Variants in AFTPH observed in about 807,000 individuals in gnomAD.
AFTPH encodes aftiphilin, also known as aftiphilin protein.
Under a neutral mutation model 72.5 loss-of-function variants are expected in AFTPH, and 7 were observed. That is an observed-to-expected ratio of 0.10 (90% CI 0.05 to 0.18). The LOEUF is 0.18. Among genes scored for constraint, AFTPH ranks in the 10% least tolerant of loss-of-function variants. AFTPH has a pLI of 1.00. For missense variants in AFTPH, 979 were observed against 1,060.5 expected (o/e 0.92, Z 1.07); for synonymous variants, 337 against 370.1 (o/e 0.91, Z 1.03).
chr2:64,575,380 C>G (rs575066382), intron 6 of AFTPH, among the ~76,000 whole-genome samples: 1 of 152,198 alleles, frequency 6.6e-6, no homozygotes, highest in East Asian at 1.9e-4. Flanking sequence ...AATCTCAGCA[C>G]TTTGGGATGC....
intron 2 of AFTPH, among the ~76,000 whole-genome samples, chr2:64,564,487 G>A (rs954887713): frequency 7.6e-4 from 116 of 152,102 alleles, no homozygotes; most frequent in Middle Eastern, 3.4e-3. Flanking sequence ...GGTGGTAGAC[G>A]CCTATAATCC....
exon 2 of AFTPH, chr2:64,551,827 C>T: frequency 6.2e-7 from 1 of 1,613,464 alleles, no homozygotes; most frequent in Non-Finnish European, 8.5e-7. Context: ...ATAATTTCAT[C>T]TGAAATGTTA....
chr2:64,533,267 C>A (rs1473126350), intron 1 of AFTPH, among the ~76,000 whole-genome samples: 1 of 151,940 alleles, frequency 6.6e-6, no homozygotes, highest in Non-Finnish European at 1.5e-5. Flanking sequence ...GATATGGTGG[C>A]AGGCACCTGT....
chr2:64,556,454 T>C (rs1671382374), intron 2 of AFTPH, among the ~76,000 whole-genome samples: 1 of 152,232 alleles, frequency 6.6e-6, no homozygotes, highest in Non-Finnish European at 1.5e-5. Flanking sequence ...AATTCAGAGC[T>C]TAATTAAACA....
intron 8 of AFTPH, among the ~76,000 whole-genome samples, chr2:64,587,776 T>G (rs1280912994): frequency 6.6e-6 from 1 of 152,220 alleles, no homozygotes; most frequent in African/African-American, 2.4e-5. Flanking sequence ...ACTTTGAGTT[T>G]TTTAAAGAAG....
At chr2:64,564,921 T>C (rs1671972083) in intron 2 of AFTPH, among the ~76,000 whole-genome samples, 1 of 151,044 alleles carries the variant, frequency 6.6e-6, no homozygotes, top group African/African-American at 2.4e-5. Context: ...CACTGCCACC[T>C]CCACCTCTCC....
chr2:64,549,838 G>A (rs1015048741), intron 1 of AFTPH, among the ~76,000 whole-genome samples: 24 of 152,078 alleles, frequency 1.6e-4, no homozygotes, highest in Admixed American at 1.5e-3. Context: ...ATAAGTTCTA[G>A]ATGTGTTAAA....
intron 1 of AFTPH, among the ~76,000 whole-genome samples, chr2:64,535,926 G>A (rs1179347933): frequency 6.6e-6 from 1 of 152,212 alleles, no homozygotes; most frequent in Non-Finnish European, 1.5e-5. Flanking sequence ...GCCCTGACAA[G>A]GTATAGGTTG....
chr2:64,545,401 A>G (rs1670516752), intron 1 of AFTPH, among the ~76,000 whole-genome samples: 1 of 150,742 alleles, frequency 6.6e-6, no homozygotes, highest in African/African-American at 2.4e-5. Context: ...CTATTTATAT[A>G]TACTATTATT....
chr2:64,555,703 AG>A (rs970888085), intron 2 of AFTPH, among the ~76,000 whole-genome samples: 63 of 152,276 alleles, frequency 4.1e-4, no homozygotes, highest in African/African-American at 1.5e-3. Context: ...AAACTGCTGG[AG>A]GAGGCCAGAA....
intron 6 of AFTPH, chr2:64,578,801 GCCCACCTCGGAT>G: frequency 6.6e-6 from 1 of 152,314 alleles, no homozygotes; most frequent in Non-Finnish European, 1.5e-5. Context: ...CTCGTGATCT[GCCCACCTCGGAT>G]CCCAAAGTGC....
intron 6 of AFTPH, chr2:64,578,768 C>T (rs563438584): frequency 3.9e-5 from 6 of 152,280 alleles, no homozygotes; most frequent in Non-Finnish European, 7.3e-5. Flanking sequence ...CTGTGTTAGC[C>T]AGGATGGTCT....
intron 1 of AFTPH, among the ~76,000 whole-genome samples, chr2:64,542,347 C>G (rs2042091): frequency 6.6e-6 from 1 of 151,910 alleles, no homozygotes; most frequent in Admixed American, 6.6e-5. Flanking sequence ...TAGAGGAATA[C>G]GTAGGGAATA....
chr2:64,590,391 T>A (rs1018027814), intron 8 of AFTPH, among the ~76,000 whole-genome samples: 3 of 152,228 alleles, frequency 2.0e-5, no homozygotes, highest in Admixed American at 6.5e-5. Flanking sequence ...TTGGCTAGAA[T>A]GCATCCTAGG....
At chr2:64,589,954 G>C (rs986893347) in intron 8 of AFTPH, among the ~76,000 whole-genome samples, 2 of 149,248 alleles carry the variant, frequency 1.3e-5, no homozygotes, top group African/African-American at 2.5e-5. Context: ...TGGGGGGGGG[G>C]GGGGGGTTTC....
chr2:64,565,391 C>G (rs909696131), intron 2 of AFTPH, among the ~76,000 whole-genome samples: 1 of 147,032 alleles, frequency 6.8e-6, no homozygotes, highest in African/African-American at 2.5e-5. Flanking sequence ...AGGAGAATGA[C>G]GTGAACCTGG....
chr2:64,531,345 G>T (rs558229783), intron 1 of AFTPH, among the ~76,000 whole-genome samples: 4 of 152,148 alleles, frequency 2.6e-5, no homozygotes, highest in Non-Finnish European at 4.4e-5. Flanking sequence ...ACCAGCAGTG[G>T]TTGGGTCCCC....
exon 1 of AFTPH, chr2:64,524,601 C>G (rs546512167): frequency 2.5e-6 from 1 of 398,508 alleles, no homozygotes; most frequent in East Asian, 3.6e-5. Context: ...GCAGCCGCCC[C>G]GAAGGAGCCA....
intron 1 of AFTPH, among the ~76,000 whole-genome samples, chr2:64,526,628 A>G (rs1348452090): frequency 1.3e-5 from 2 of 152,168 alleles, no homozygotes; most frequent in Non-Finnish European, 2.9e-5. Context: ...TTTAGTTTTT[A>G]CACTATTTTG....
Sources: allele counts gnomAD v4.1 joint callset (sites outside exome capture counted in the v4.1 genomes callset), GRCh38; gene constraint gnomAD v4.1.1; transcripts MANE v1.5; gene names NCBI Gene and HGNC (gene_info 2026-07-23, HGNC 2026-07-21).